The following PPP5C variants were observed in gnomAD, a reference collection of about 807,000 sequenced individuals.
PPP5C encodes the protein protein phosphatase 5 catalytic subunit.
PPP5C carries 21 observed loss-of-function variants against 66.7 expected under a neutral mutation model. That is an observed-to-expected ratio of 0.31 (90% confidence interval 0.22 to 0.45). The LOEUF (loss-of-function observed/expected upper bound fraction) is 0.45, where lower values mean the gene tolerates loss of function less well. Ranked by LOEUF, PPP5C falls within the 20% of genes least tolerant of loss-of-function variation. The probability of loss-of-function intolerance (pLI) is 1.00; values close to 1 mark genes in which losing one functional copy is unlikely to be tolerated. For missense variants in PPP5C, 464 were observed against 675.9 expected (o/e 0.69, Z 3.48); for synonymous variants, 246 against 257.4 (o/e 0.96, Z 0.43).
intron 2 of PPP5C, among the ~76,000 whole-genome samples, chr19:46,361,024 C>T (rs1478679425): frequency 6.6e-6 from 1 of 151,964 alleles, no homozygotes; most frequent in Non-Finnish European, 1.5e-5. Context: ...ATCTTTCTCT[C>T]CCTCTCCCCT....
intron 2 of PPP5C, among the ~76,000 whole-genome samples, chr19:46,368,628 T>G (rs1425847934): frequency 2.0e-5 from 3 of 152,222 alleles, no homozygotes; most frequent in Admixed American, 1.3e-4. Context: ...ATGAACTGTA[T>G]AGTGGCAGAG....
chr19:46,380,138 T>C (rs955682264), intron 4 of PPP5C, among the ~76,000 whole-genome samples: 1 of 151,302 alleles, frequency 6.6e-6, no homozygotes, highest in Non-Finnish European at 1.5e-5. Context: ...AAACCCCATC[T>C]CTACAACCCT....
intron 2 of PPP5C, among the ~76,000 whole-genome samples, chr19:46,370,417 G>A (rs1037629721): frequency 1.3e-5 from 2 of 152,150 alleles, no homozygotes; most frequent in Admixed American, 6.5e-5. Context: ...CCTCCACACC[G>A]TGTCCCACTG....
chr19:46,374,006 A>G (rs1198093306), intron 2 of PPP5C, among the ~76,000 whole-genome samples: 5 of 152,162 alleles, frequency 3.3e-5, no homozygotes, highest in Non-Finnish European at 7.4e-5. Flanking sequence ...GGGCCAGGCC[A>G]CATGCTGGTT....
At chr19:46,371,114 G>A (rs958402986) in intron 2 of PPP5C, among the ~76,000 whole-genome samples, 3 of 152,088 alleles carry the variant, frequency 2.0e-5, no homozygotes, top group East Asian at 1.9e-4. Context: ...TCCCTCACGG[G>A]GTCCTTTTCC....
At chr19:46,362,632 C>G (rs1972410698) in intron 2 of PPP5C, among the ~76,000 whole-genome samples, 3 of 151,980 alleles carry the variant, frequency 2.0e-5, no homozygotes, top group Non-Finnish European at 4.4e-5. Flanking sequence ...GTGAGACAGA[C>G]AAATCCAACC....
chr19:46,376,379 C>T lies in PPP5C; in HGVS notation c.512-74C>T. The T allele has an allele frequency of 3.2e-6, 5 of 1,570,142 alleles. No homozygotes were observed. Among genetic ancestry groups the T allele is most frequent in the Non-Finnish European group, 4.3e-6 (5 of 1,152,956 alleles). The stretch of plus-strand genomic sequence containing the variant: ...GTCCACACCCAAGTTTTCCCCATCC[C>T]TGGGAGCGAGACCCCCTTCTCCCTC... On this transcript the variant is annotated intron_variant, in intron 3 of 12. Transcript: ENST00000012443. This position sits in a 1 kb window ranked among gnomAD's most constrained non-coding sequence, Gnocchi z 5.1.
At chr19:46,371,073 C>G (rs1972582846) in intron 2 of PPP5C, among the ~76,000 whole-genome samples, 1 of 147,154 alleles carries the variant, frequency 6.8e-6, no homozygotes, top group Non-Finnish European at 1.5e-5. Flanking sequence ...AGTTCTGTCT[C>G]TCTGGAGAAC....
At chr19:46,363,112 T>C (rs1246769315) in intron 2 of PPP5C, among the ~76,000 whole-genome samples, 1 of 145,498 alleles carries the variant, frequency 6.9e-6, no homozygotes, top group Non-Finnish European at 1.5e-5. Context: ...ATTAAAACCA[T>C]CCCGGCTAAA....
At chr19:46,377,143 C>CTT (rs2147391168) in intron 4 of PPP5C, among the ~76,000 whole-genome samples, 1 of 152,308 alleles carries the variant, frequency 6.6e-6, no homozygotes, top group East Asian at 1.9e-4. Flanking sequence ...GGATGCGGGA[C>CTT]TTCTTGTGAG....
intron 2 of PPP5C, among the ~76,000 whole-genome samples, chr19:46,371,091 C>G (rs1268547404): frequency 9.1e-6 from 1 of 109,742 alleles, no homozygotes; most frequent in Non-Finnish European, 1.9e-5. Flanking sequence ...AACCCTGACT[C>G]TCATGATGGA....
In PPP5C at chr19:46,390,560, G is replaced by A. The variant is rs1305280102; in HGVS notation, c.*214G>A. The A allele has an allele frequency of 1.4e-5, 20 of 1,409,978 alleles. No individual in the cohort carries two copies. Among genetic ancestry groups the A allele is most frequent in the Admixed American group, 8.6e-5 (3 of 34,902 alleles). 87.3% of individuals were successfully genotyped at this position (1,409,978 alleles called of 1,614,324 possible). Reference sequence around the variant, plus strand: ...CTGCTCCCTGGACAGAGAGGAAGGAGGTGGAGCAGCTGGGGCTGGGGGCAC... The same window carrying A: ...CTGCTCCCTGGACAGAGAGGAAGGAAGTGGAGCAGCTGGGGCTGGGGGCAC... On this transcript the variant is annotated 3_prime_UTR_variant, in exon 13 of 13. Coordinates refer to ENST00000012443, the MANE Select transcript of PPP5C (RefSeq NM_006247.4).
intron 2 of PPP5C, 53 bp downstream of exon 2, chr19:46,354,042 G>A (rs985089050): frequency 2.1e-5 from 34 of 1,590,796 alleles, no homozygotes; most frequent in Non-Finnish European, 2.6e-5. Context: ...GATACTGAGG[G>A]CTGGGCTGGC....
At chr19:46,379,077 C>T (rs1055353874) in intron 4 of PPP5C, among the ~76,000 whole-genome samples, 3 of 152,112 alleles carry the variant, frequency 2.0e-5, no homozygotes, top group Non-Finnish European at 4.4e-5. Context: ...TTTTTTGAGA[C>T]GGAGTCTCAT....
At chr19:46,363,492 C>T (rs1389539281) in intron 2 of PPP5C, among the ~76,000 whole-genome samples, 1 of 151,450 alleles carries the variant, frequency 6.6e-6, no homozygotes, top group Non-Finnish European at 1.5e-5. Flanking sequence ...AGCAGTGGCG[C>T]GATCTCGGCT....
chr19:46,383,638 G>T lies in PPP5C; in HGVS notation c.700-142G>T. On this transcript the variant is annotated intron_variant, in intron 5 of 12. Coordinates refer to ENST00000012443, the MANE Select transcript of PPP5C (RefSeq NM_006247.4). The surrounding 1 kb of genome is among the most constrained non-coding windows in gnomAD (Gnocchi z 5.0). ...TATCCCATTTCTCTCCTGGCCTCTT[G>T]GTCTTCGTTTGTGTTCCCTGCTTGT... 9.7e-7 allele frequency: 1 copy of T among 1,027,494 alleles called. No individual in the cohort carries two copies. The highest frequency in any genetic ancestry group is 1.6e-5 in the South Asian group (1 of 63,580). 63.6% of individuals were successfully genotyped at this position (1,027,494 alleles called of 1,614,324 possible). A position where few individuals can be genotyped will look rare whatever the true frequency, so the allele number is the denominator to read the frequency against.
At chr19:46,358,647 G>A (rs1342306910) in intron 2 of PPP5C, among the ~76,000 whole-genome samples, 2 of 152,200 alleles carry the variant, frequency 1.3e-5, no homozygotes, top group African/African-American at 4.8e-5. Context: ...ACCAGCCTGG[G>A]AGCCTCAGGT....
At position 46,383,211 on chromosome 19, in the gene PPP5C, C is replaced by T. The variant is rs1431698587; in HGVS notation, c.634-200C>T. 2.6e-6 allele frequency: 4 copies of T among 1,531,782 alleles called. No individual in the cohort carries two copies. Among genetic ancestry groups the T allele is most frequent in the Non-Finnish European group, 3.5e-6 (4 of 1,142,056 alleles). 94.9% of individuals were successfully genotyped at this position (1,531,782 alleles called of 1,614,324 possible). A position where few individuals can be genotyped will look rare whatever the true frequency, so the allele number is the denominator to read the frequency against. On this transcript the variant is annotated intron_variant, in intron 4 of 12. Transcript: ENST00000012443. The surrounding 1 kb of genome is among the most constrained non-coding windows in gnomAD (Gnocchi z 5.0). ...ACAAAACAATCGCAATGCTTCGGCA[C>T]TGCACAGGCCACAGAAGCCTGCGGC...
In PPP5C at chr19:46,376,784, T is replaced by A; in HGVS notation, c.633+210T>A. 2 of 605,160 alleles carry A rather than the reference T, an allele frequency of 3.3e-6. No individual in the cohort carries two copies. Among genetic ancestry groups the A allele is most frequent in the Non-Finnish European group, 5.4e-6 (2 of 368,620 alleles). 37.5% of individuals were successfully genotyped at this position (605,160 alleles called of 1,614,324 possible). A position where few individuals can be genotyped will look rare whatever the true frequency, so the allele number is the denominator to read the frequency against. On this transcript the variant is annotated intron_variant, in intron 4 of 12. Transcript: ENST00000012443. This position sits in a 1 kb window ranked among gnomAD's most constrained non-coding sequence, Gnocchi z 5.1. Reference sequence around the variant, plus strand: ...TTGGGGAGGTGGCAGGCAGTGCCATTTGACAGATGCAGGGACAAAGGGCCA... The same window carrying A: ...TTGGGGAGGTGGCAGGCAGTGCCATATGACAGATGCAGGGACAAAGGGCCA...
Sources: allele counts gnomAD v4.1 joint callset (sites outside exome capture counted in the v4.1 genomes callset), GRCh38; gene constraint gnomAD v4.1.1; non-coding constraint Gnocchi (gnomAD v3.1); transcripts MANE v1.5; gene names NCBI Gene and HGNC (gene_info 2026-07-23, HGNC 2026-07-21).